SLC25A26: variants seen among roughly 807,000 people sequenced by gnomAD.
The protein encoded by SLC25A26 is mitochondrial S-adenosylmethionine carrier protein.
SLC25A26 carries 36 observed loss-of-function variants against 37.8 expected under a neutral mutation model. That is an observed-to-expected ratio of 0.95 (90% CI 0.73 to 1.26). The LOEUF is 1.26. SLC25A26 is among the 50% of genes most tolerant of loss of function. The probability of loss-of-function intolerance (pLI) is 0.00; values close to 1 mark genes in which losing one functional copy is unlikely to be tolerated. For missense variants in SLC25A26, 390 were observed against 331.1 expected (o/e 1.18, Z -1.38); for synonymous variants, 129 against 122.5 (o/e 1.05, Z -0.35).
intron 5 of SLC25A26, among the ~76,000 whole-genome samples, chr3:66,266,612 T>C (rs1305629538): frequency 5.3e-5 from 8 of 150,486 alleles, no homozygotes; most frequent in South Asian, 4.2e-4. Flanking sequence ...CATTTGATGT[T>C]TGTGGAGATT....
intron 1 of SLC25A26, among the ~76,000 whole-genome samples, chr3:66,223,524 C>G (rs975721479): frequency 6.6e-6 from 1 of 152,092 alleles, no homozygotes; most frequent in African/African-American, 2.4e-5. Context: ...TTTTTAATGT[C>G]TTGGAGTGCG....
At chr3:66,253,034 C>G (rs1342037142) in intron 3 of SLC25A26, among the ~76,000 whole-genome samples, 7 of 147,798 alleles carry the variant, frequency 4.7e-5, no homozygotes, top group Non-Finnish European at 6.0e-5. Flanking sequence ...CCCCCCCCCC[C>G]CCATAAATAT....
intron 3 of SLC25A26, among the ~76,000 whole-genome samples, chr3:66,249,503 T>G (rs2072995157): frequency 6.6e-6 from 1 of 152,242 alleles, no homozygotes; most frequent in African/African-American, 2.4e-5. Context: ...GTTTTGTTTA[T>G]CTACTTAATA....
chr3:66,180,315 A>G (rs2106754788), intron 1 of SLC25A26, among the ~76,000 whole-genome samples: 1 of 152,242 alleles, frequency 6.6e-6, no homozygotes, highest in African/African-American at 2.4e-5. Flanking sequence ...TCTCCCTTTG[A>G]CCCCAACCCC....
intron 2 of SLC25A26, among the ~76,000 whole-genome samples, chr3:66,241,261 A>C (rs141148474): frequency 0.14 from 20,848 of 151,948 alleles, 1,616 homozygotes; most frequent in East Asian, 0.31. Flanking sequence ...TGAGGTGTGG[A>C]TTGGGCATTG....
At chr3:66,272,189 T>G (rs188252219) in intron 5 of SLC25A26, among the ~76,000 whole-genome samples, 1 of 152,244 alleles carries the variant, frequency 6.6e-6, no homozygotes, top group East Asian at 1.9e-4. Flanking sequence ...CAGCCCAAAA[T>G]GCGATCCCTA....
rs36147154 is a variant in SLC25A26, at chr3:66,170,791, G to GTTTTTTTTTTT, written c.-354+36827_-354+36837dup. 1.8e-4 allele frequency among the ~76,000 whole-genome samples: 9 copies of GTTTTTTTTTTT among 50,902 alleles called. 2 individuals are homozygous for GTTTTTTTTTTT. Among genetic ancestry groups the GTTTTTTTTTTT allele is most frequent in the African/African-American group, 3.7e-4 (5 of 13,532 alleles). 33.4% of individuals were successfully genotyped at this position (50,902 alleles called of 152,430 possible). On this transcript the variant is annotated intron_variant, in intron 1 of 10. Transcript: ENST00000676754. Reference sequence around the variant, plus strand: ...CAAACATTTAATAGATGTGATTATTGTTTTTTTTTTTTTTTTTTTTTTTTT... The same window carrying GTTTTTTTTTTT: ...CAAACATTTAATAGATGTGATTATTGTTTTTTTTTTTTTTTTTTTTTTTTTTTTTTTTTTTT...
chr3:66,141,931 A>G (rs922012976), intron 1 of SLC25A26, among the ~76,000 whole-genome samples: 1 of 152,250 alleles, frequency 6.6e-6, no homozygotes, highest in African/African-American at 2.4e-5. Flanking sequence ...AACAAGTTCT[A>G]TCAATATGTA....
chr3:66,273,401 G>A (rs1170945102), intron 5 of SLC25A26, among the ~76,000 whole-genome samples: 2 of 152,012 alleles, frequency 1.3e-5, no homozygotes, highest in South Asian at 2.1e-4. Context: ...GTAGAATTCG[G>A]CTGTGAATCC....
intron 1 of SLC25A26, among the ~76,000 whole-genome samples, chr3:66,202,257 A>G (rs2071120680): frequency 6.6e-6 from 1 of 152,164 alleles, no homozygotes; most frequent in Admixed American, 6.5e-5. Flanking sequence ...AAACTAACAC[A>G]GGAACAGAAA....
intron 5 of SLC25A26, among the ~76,000 whole-genome samples, chr3:66,287,383 A>G (rs1446280651): frequency 6.6e-6 from 1 of 151,570 alleles, no homozygotes; most frequent in Non-Finnish European, 1.5e-5. Flanking sequence ...TAAGTGATAG[A>G]AAGGACTGAC....
At chr3:66,167,225 T>C (rs2070437023) in intron 1 of SLC25A26, among the ~76,000 whole-genome samples, 1 of 152,222 alleles carries the variant, frequency 6.6e-6, no homozygotes, top group African/African-American at 2.4e-5. Context: ...AAAGGGTACA[T>C]GGCCAAAGTA....
At chr3:66,319,652 A>G (rs912965170) in intron 5 of SLC25A26, among the ~76,000 whole-genome samples, 2 of 152,068 alleles carry the variant, frequency 1.3e-5, no homozygotes, top group Non-Finnish European at 2.9e-5. Flanking sequence ...GTGAGCATGT[A>G]AATACTGTAG....
chr3:66,286,587 CTTTA>C (rs1186758251), intron 5 of SLC25A26, among the ~76,000 whole-genome samples: 4 of 152,010 alleles, frequency 2.6e-5, no homozygotes, highest in African/African-American at 7.2e-5. Flanking sequence ...CTTTATTTTT[CTTTA>C]TTTAGGTGTT....
intron 1 of SLC25A26, among the ~76,000 whole-genome samples, chr3:66,179,560 G>T (rs2106752229): frequency 6.6e-6 from 1 of 152,232 alleles, no homozygotes; most frequent in Non-Finnish European, 1.5e-5. Flanking sequence ...ACATAGATAA[G>T]GTTCTCAAAG....
In SLC25A26 at chr3:66,214,917, C is replaced by A. The variant is rs957198952; in HGVS notation, c.-353-5825C>A. ...CTGAGGTGGGCGGATGGCTTGAGGC[C>A]TGGAGTTCCAGACCAGCCTGGCCAA... On this transcript the variant is annotated intron_variant, in intron 1 of 10. Transcript: ENST00000676754. Among the ~76,000 whole-genome samples, 16 of 152,206 alleles carry A rather than the reference C, an allele frequency of 1.1e-4. No homozygotes were observed. The South Asian group carries it at 2.7e-3, about 26-fold the overall frequency.
chr3:66,201,652 A>G (rs2071111749), intron 1 of SLC25A26, among the ~76,000 whole-genome samples: 1 of 152,198 alleles, frequency 6.6e-6, no homozygotes, highest in Non-Finnish European at 1.5e-5. Flanking sequence ...TTTTCTAGAT[A>G]GATAGACTCT....
intron 5 of SLC25A26, among the ~76,000 whole-genome samples, chr3:66,299,275 T>C (rs1450027681): frequency 2.6e-5 from 4 of 152,148 alleles, no homozygotes; most frequent in African/African-American, 9.7e-5. Context: ...CACTGCAACC[T>C]CCGCCTCCTG....
intron 2 of SLC25A26, among the ~76,000 whole-genome samples, chr3:66,240,567 G>C (rs868975535): frequency 2.6e-5 from 4 of 152,252 alleles, no homozygotes; most frequent in Middle Eastern, 6.8e-3. Context: ...GTGGGCCACT[G>C]TGCCTGGCCC....
Sources: gnomAD v4.1 joint callset for allele counts (sites outside exome capture counted in the v4.1 genomes callset) on GRCh38, gnomAD v4.1.1 for gene constraint, MANE v1.5 for transcripts, NCBI Gene and HGNC (gene_info 2026-07-23, HGNC 2026-07-21) for gene names.